DNAJC6: variants seen among roughly 807,000 people sequenced by gnomAD.
DNAJC6 encodes auxilin.
A neutral mutation model predicts 110.0 loss-of-function variants in DNAJC6; 34 were observed. That is an observed-to-expected ratio of 0.31 (90% CI 0.24 to 0.41). DNAJC6 has a LOEUF of 0.41. Among genes scored for constraint, DNAJC6 ranks in the 10% least tolerant of loss-of-function variants. The pLI is 1.00. For synonymous variants in DNAJC6, 406 were observed against 437.2 expected, an observed-to-expected ratio of 0.93 and a Z score of 0.89; for missense variants, 1,031 against 1,207.8, an observed-to-expected ratio of 0.85 and a Z score of 2.17.
chr1:65,282,486 A>C (rs1433331597), intron 1 of DNAJC6, among the ~76,000 whole-genome samples: 1 of 152,078 alleles, frequency 6.6e-6, no homozygotes. Flanking sequence ...CTCTGGGTTT[A>C]GGGGAGGGGA....
At chr1:65,330,510 C>T (rs1207938166) in intron 1 of DNAJC6, among the ~76,000 whole-genome samples, 1 of 152,002 alleles carries the variant, frequency 6.6e-6, no homozygotes, top group Non-Finnish European at 1.5e-5. Context: ...TCTCTGTTGC[C>T]CAGGCTGGAG....
At chr1:65,273,703 T>C (rs1281814138) in intron 1 of DNAJC6, among the ~76,000 whole-genome samples, 1 of 152,218 alleles carries the variant, frequency 6.6e-6, no homozygotes, top group Non-Finnish European at 1.5e-5. Context: ...TAAAATATTT[T>C]ATACTTTTCT....
intron 1 of DNAJC6, among the ~76,000 whole-genome samples, chr1:65,282,640 A>T (rs1475670824): frequency 6.6e-6 from 1 of 152,184 alleles, no homozygotes; most frequent in Non-Finnish European, 1.5e-5. Flanking sequence ...AGGTGTACAT[A>T]ACTGGGATGG....
intron 12 of DNAJC6, among the ~76,000 whole-genome samples, chr1:65,393,989 T>C (rs1351281752): frequency 6.6e-6 from 1 of 152,204 alleles, no homozygotes; most frequent in African/African-American, 2.4e-5. Context: ...TCAGGTGCCC[T>C]GAATCCTATG....
At chr1:65,323,691 G>T (rs1359922399) in intron 1 of DNAJC6, among the ~76,000 whole-genome samples, 1 of 151,718 alleles carries the variant, frequency 6.6e-6, no homozygotes, top group African/African-American at 2.4e-5. Context: ...CACCTCCTGG[G>T]GTCAAGCAGT....
rs138430688 is a variant in DNAJC6, at chr1:65,370,424, C to T, written c.543+4228C>T. 3.3e-5 allele frequency among the ~76,000 whole-genome samples: 5 copies of T among 152,276 alleles called. No individual in the cohort carries two copies. In the East Asian group the frequency reaches 5.8e-4, roughly 18 times the overall value. On this transcript the variant is annotated intron_variant, in intron 4 of 18. Transcript: ENST00000371069. ...CACTCCATGCATATGTGTGTGTATGCGTGTATACACTGGTTTGGTTTCTGC... is the reference window on the plus strand; with the variant it reads ...CACTCCATGCATATGTGTGTGTATGTGTGTATACACTGGTTTGGTTTCTGC...
intron 4 of DNAJC6, among the ~76,000 whole-genome samples, chr1:65,368,721 T>TCTTCGTCTTCTTCTC (rs1557545642): frequency 2.7e-5 from 3 of 110,368 alleles, no homozygotes; most frequent in Non-Finnish European, 5.2e-5. Context: ...TTCTTCCTCT[T>TCTTCGTCTTCTTCTC]CTTCTTCTTC....
In DNAJC6 at chr1:65,309,550, G is replaced by A; in HGVS notation, c.-196G>A. On this transcript the variant is annotated 5_prime_UTR_variant, in exon 1 of 19. Coordinates refer to ENST00000371069, the MANE Select transcript of DNAJC6 (RefSeq NM_001256864.2). The stretch of plus-strand genomic sequence containing the variant: ...CCCTCCTCCCGGCGCCCCGAGCCGA[G>A]CTCAGCCCAGGGCGGCGGCTTCGCC... The A allele has an allele frequency of 8.2e-7, 1 of 1,218,468 alleles. No homozygotes were observed. The highest frequency in any genetic ancestry group is 1.0e-6 in the Non-Finnish European group (1 of 981,464). The allele number at this position is 1,218,468 out of a possible 1,614,324, so 75.5% of individuals were successfully genotyped here. A position where few individuals can be genotyped will look rare whatever the true frequency, so the allele number is the denominator to read the frequency against.
At chr1:65,364,523 C>T in intron 1 of DNAJC6, 112 bp from the exon 2 acceptor site, 1 of 1,227,322 alleles carries the variant, frequency 8.1e-7, no homozygotes, top group East Asian at 2.5e-5. Flanking sequence ...AATATCTGTC[C>T]CAGACTCTTA....
chr1:65,344,683 C>CT (rs1400585555), intron 1 of DNAJC6, among the ~76,000 whole-genome samples: 2 of 152,102 alleles, frequency 1.3e-5, no homozygotes, highest in African/African-American at 4.8e-5. Context: ...ATTAATCTTA[C>CT]TTTTATTTTA....
At position 65,365,967 on chromosome 1, in the gene DNAJC6, G is replaced by A. The variant is rs780772827; in HGVS notation, c.394+33G>A. 2.5e-6 allele frequency: 4 copies of A among 1,612,678 alleles called. No individual in the cohort carries two copies. The South Asian group carries it at 3.3e-5, about 13-fold the overall frequency. ...TCTCATGTTTATTAACAGTCCTTTG[G>A]CTCAGTTTCCCGTTGCTGCCCATCG... On this transcript the variant is annotated intron_variant, in intron 3 of 18. Coordinates refer to ENST00000371069, the MANE Select transcript of DNAJC6 (RefSeq NM_001256864.2).
At chr1:65,404,548 T>C (rs1035923749) in intron 15 of DNAJC6, among the ~76,000 whole-genome samples, 1 of 152,164 alleles carries the variant, frequency 6.6e-6, no homozygotes, top group African/African-American at 2.4e-5. Context: ...TTAGTGTATA[T>C]ATGTATGAAT....
In DNAJC6 at chr1:65,386,853, A is replaced by ACCT. The variant is rs1302553900; in HGVS notation, c.1038_1039insCTC (p.Asn346_Ile347insLeu). On this transcript the variant is annotated inframe_insertion, in exon 8 of 19. Transcript: ENST00000371069. ...GATGGAAAAATCTTCATTCCCTTGA[A>ACCT]CATCACTGTGCAAGGAGACGTGGTT... The ACCT allele has an allele frequency of 6.2e-7, 1 of 1,614,134 alleles. No individual in the cohort carries two copies.
intron 1 of DNAJC6, among the ~76,000 whole-genome samples, chr1:65,312,911 T>A (rs1309200255): frequency 1.3e-5 from 2 of 152,082 alleles, no homozygotes; most frequent in Non-Finnish European, 2.9e-5. Flanking sequence ...ACAATTCTTG[T>A]GTTTCAGCCC....
chr1:65,387,503 T>C (rs1645884300), intron 8 of DNAJC6, among the ~76,000 whole-genome samples: 1 of 152,208 alleles, frequency 6.6e-6, no homozygotes, highest in Non-Finnish European at 1.5e-5. Flanking sequence ...ATTCTGCCTC[T>C]ATGGATTTGT....
intron 1 of DNAJC6, among the ~76,000 whole-genome samples, chr1:65,272,532 G>GTT (rs544139807): frequency 6.6e-6 from 1 of 152,320 alleles, no homozygotes; most frequent in South Asian, 2.1e-4. Flanking sequence ...TCAAGGATAT[G>GTT]TTGACCTTGT....
intron 1 of DNAJC6, among the ~76,000 whole-genome samples, chr1:65,277,655 G>A (rs1376790275): frequency 6.6e-6 from 1 of 152,046 alleles, no homozygotes; most frequent in African/African-American, 2.4e-5. Context: ...GGCATGCAGG[G>A]GAGGGGGTGA....
At chr1:65,399,492 A>G (rs1462168002) in intron 14 of DNAJC6, among the ~76,000 whole-genome samples, 1 of 152,172 alleles carries the variant, frequency 6.6e-6, no homozygotes, top group Non-Finnish European at 1.5e-5. Context: ...GCTTATCACA[A>G]CAACTTTCTG....
At chr1:65,388,266 A>G (rs1645891202) in intron 8 of DNAJC6, 70 bp from the exon 9 acceptor site, 2 of 1,404,836 alleles carry the variant, frequency 1.4e-6, no homozygotes, top group African/African-American at 1.4e-5. Context: ...TGTCTCCCCA[A>G]AATCTAATCT....
Sources: gnomAD v4.1 joint callset for allele counts (sites outside exome capture counted in the v4.1 genomes callset) on GRCh38, gnomAD v4.1.1 for gene constraint, MANE v1.5 for transcripts, NCBI Gene and HGNC (gene_info 2026-07-23, HGNC 2026-07-21) for gene names.